TENM1: variants seen among roughly 807,000 people sequenced by gnomAD.
TENM1 encodes the protein teneurin transmembrane protein 1.
TENM1 carries 35 observed loss-of-function variants against 174.8 expected under a neutral mutation model. The ratio of observed to expected loss-of-function variants is 0.20; its 90% confidence interval spans 0.15 to 0.27. The LOEUF (loss-of-function observed/expected upper bound fraction) is 0.27. Among genes scored for constraint, TENM1 ranks in the 10% least tolerant of loss-of-function variants. TENM1 has a pLI of 1.00. For missense variants in TENM1, 1,633 were observed against 2,130.1 expected (o/e 0.77, Z 4.59); for synonymous variants, 781 against 798.7 (o/e 0.98, Z 0.37).
intron 3 of TENM1, among the ~76,000 whole-genome samples, chrX:124,760,821 T>C (rs1434472644): frequency 9.0e-6 from 1 of 111,374 alleles, no homozygotes; most frequent in Non-Finnish European, 1.9e-5. Context: ...ATATCCAGAA[T>C]CTACAGAGAA....
At chrX:125,011,252 C>T in the TENM1 span, among the ~76,000 whole-genome samples, 1 of 111,711 alleles carries the variant, frequency 9.0e-6, no homozygotes, top group Admixed American at 9.5e-5. Context: ...GTAGGTAATA[C>T]CAATCAGGAC....
intron 3 of TENM1, among the ~76,000 whole-genome samples, chrX:124,758,586 C>T (rs1487413583): frequency 2.7e-5 from 3 of 111,854 alleles, no homozygotes; most frequent in Non-Finnish European, 3.8e-5. Flanking sequence ...TATTTGCATT[C>T]TCACGTCCAT....
chrX:124,882,395 T>G (rs2057317627), intron 3 of TENM1, among the ~76,000 whole-genome samples: 1 of 111,745 alleles, frequency 8.9e-6, no homozygotes, highest in African/African-American at 3.3e-5. Context: ...GAAGTTTAAG[T>G]CCCATGTTTC....
At chrX:124,481,798 G>T in exon 22 of TENM1, 1 of 1,205,381 alleles carries the variant, frequency 8.3e-7, no homozygotes, top group Non-Finnish European at 1.1e-6. Context: ...TGGTCAAAGG[G>T]AAGGCACTGA....
chrX:124,695,029 C>A (rs778809827), intron 5 of TENM1, among the ~76,000 whole-genome samples: 13 of 111,751 alleles, frequency 1.2e-4, no homozygotes, highest in African/African-American at 3.9e-4. Context: ...AATTACGTAA[C>A]GGAGATATAA....
intron 22 of TENM1, among the ~76,000 whole-genome samples, chrX:124,454,510 T>C (rs757356482): frequency 6.8e-4 from 76 of 111,263 alleles, no homozygotes; most frequent in Non-Finnish European, 1.4e-3. Flanking sequence ...TTCAAGTGAT[T>C]ATCCTGCTTC....
chrX:124,645,086 C>T, intron 10 of TENM1, 57 bp downstream of exon 13: 1 of 1,129,044 alleles, frequency 8.9e-7, no homozygotes, highest in East Asian at 3.0e-5. Flanking sequence ...AGAATGACAC[C>T]TTGGACAACT....
chrX:125,046,844 G>C, the TENM1 span, among the ~76,000 whole-genome samples: 3 of 98,744 alleles, frequency 3.0e-5, no homozygotes, highest in African/African-American at 1.2e-4. Flanking sequence ...GCATGTGTGT[G>C]TGTGTGTGCA....
At chrX:125,054,857 G>A in the TENM1 span, among the ~76,000 whole-genome samples, 7 of 111,463 alleles carry the variant, frequency 6.3e-5, no homozygotes, top group African/African-American at 2.3e-4. Flanking sequence ...GAAAGAGGGA[G>A]GAAAAATGTG....
At chrX:124,695,698 T>C (rs2052632048) in intron 5 of TENM1, among the ~76,000 whole-genome samples, 1 of 112,149 alleles carries the variant, frequency 8.9e-6, no homozygotes, top group African/African-American at 3.2e-5. Context: ...TATGCTTCTT[T>C]TAGGCCAAAA....
At chrX:124,856,051 G>T (rs1208283991) in intron 3 of TENM1, among the ~76,000 whole-genome samples, 4 of 109,900 alleles carry the variant, frequency 3.6e-5, no homozygotes, top group Non-Finnish European at 7.6e-5. Flanking sequence ...TTTTTAATAG[G>T]TCACCAACAC....
intron 11 of TENM1, among the ~76,000 whole-genome samples, chrX:124,599,001 G>C (rs1441722771): frequency 9.0e-6 from 1 of 111,358 alleles, no homozygotes; most frequent in Non-Finnish European, 1.9e-5. Context: ...CCTGTATCAA[G>C]ATATCTTTTG....
intron 18 of TENM1, among the ~76,000 whole-genome samples, chrX:124,512,963 T>C (rs1374999723): frequency 8.9e-6 from 1 of 111,748 alleles, no homozygotes; most frequent in East Asian, 2.8e-4. Flanking sequence ...GAGTGGGAGA[T>C]CTTTCTAGTC....
At chrX:124,967,655 T>C (rs1333669584), upstream of TENM1, among the ~76,000 whole-genome samples, 1 of 111,780 alleles carries the variant, frequency 8.9e-6, no homozygotes, top group Non-Finnish European at 1.9e-5. Flanking sequence ...GCCACATTAG[T>C]AGTTCAAGTC....
At chrX:124,860,640 A>G (rs1293504701) in intron 3 of TENM1, among the ~76,000 whole-genome samples, 1 of 111,759 alleles carries the variant, frequency 8.9e-6, no homozygotes, top group African/African-American at 3.3e-5. Flanking sequence ...CACTAATTCA[A>G]TCTGGAACAA....
At chrX:124,723,626 G>C (rs2148525854) in intron 4 of TENM1, among the ~76,000 whole-genome samples, 1 of 95,085 alleles carries the variant, frequency 1.1e-5, no homozygotes, top group Non-Finnish European at 2.1e-5. Flanking sequence ...TTTTTTGACG[G>C]AGTCTCACTC....
the TENM1 span, among the ~76,000 whole-genome samples, chrX:125,005,032 C>T: frequency 9.0e-6 from 1 of 110,758 alleles, no homozygotes; most frequent in Non-Finnish European, 1.9e-5. Flanking sequence ...AATTACTCAG[C>T]AAATATGTGC....
At chrX:125,152,065 G>A in the TENM1 span, among the ~76,000 whole-genome samples, 1 of 110,773 alleles carries the variant, frequency 9.0e-6, no homozygotes, top group Non-Finnish European at 1.9e-5. Context: ...AGACCAGCCT[G>A]GCCAACATGG....
chrX:124,737,219 C>A, intron 3 of TENM1, 22 bp from the exon 7 acceptor site: 1 of 1,162,453 alleles, frequency 8.6e-7, no homozygotes, highest in Non-Finnish European at 1.1e-6. Flanking sequence ...AGAAGAGAAA[C>A]ATAAAATAGA....
Sources: gnomAD v4.1 joint callset for allele counts (sites outside exome capture counted in the v4.1 genomes callset) on GRCh38, gnomAD v4.1.1 for gene constraint, MANE v1.5 for transcripts, NCBI Gene and HGNC (gene_info 2026-07-23, HGNC 2026-07-21) for gene names.